The following NTRK2 variants were observed in gnomAD, a reference collection of about 807,000 sequenced individuals.
NTRK2 encodes the protein BDNF/NT-3 growth factors receptor.
NTRK2 carries 13 observed loss-of-function variants against 94.5 expected under a neutral mutation model. That is an observed-to-expected ratio of 0.14 (90% CI 0.09 to 0.22). The LOEUF (loss-of-function observed/expected upper bound fraction) is 0.22. Among genes scored for constraint, NTRK2 ranks in the 10% least tolerant of loss-of-function variants. The pLI, the probability that NTRK2 is intolerant of heterozygous loss-of-function variation, is 1.00. For missense variants in NTRK2, 639 were observed against 1,071.2 expected, an observed-to-expected ratio of 0.60 and a Z score of 5.63; for synonymous variants, 372 against 407.4, an observed-to-expected ratio of 0.91 and a Z score of 1.05.
chr9:84,867,190 A>T (rs2132054658), intron 13 of NTRK2, 53 bp from the exon 14 acceptor site: 2 of 1,555,488 alleles, frequency 1.3e-6, no homozygotes, highest in African/African-American at 2.7e-5. Flanking sequence ...TGTGAATTAC[A>T]GCTCAATAAA....
intron 11 of NTRK2, among the ~76,000 whole-genome samples, chr9:84,749,630 TATATTGTAGTAG>T (rs2064408539): frequency 6.6e-6 from 1 of 152,204 alleles, no homozygotes; most frequent in Non-Finnish European, 1.5e-5. Flanking sequence ...TAATTTATTA[TATATTGTAGTAG>T]ATACTGTTCC....
At chr9:84,742,279 C>T (rs1327377887) in intron 10 of NTRK2, among the ~76,000 whole-genome samples, 1 of 152,118 alleles carries the variant, frequency 6.6e-6, no homozygotes, top group Non-Finnish European at 1.5e-5. Flanking sequence ...GACAGTAAAG[C>T]CAATTCAAAA....
intron 12 of NTRK2, among the ~76,000 whole-genome samples, chr9:84,773,820 A>G (rs78268881): frequency 6.6e-6 from 1 of 151,972 alleles, no homozygotes; most frequent in African/African-American, 2.4e-5. Flanking sequence ...TCTTTTTTCA[A>G]TTGAGTCCCT....
chr9:84,784,491 G>T (rs754943855), intron 12 of NTRK2, among the ~76,000 whole-genome samples: 1 of 152,172 alleles, frequency 6.6e-6, no homozygotes, highest in Non-Finnish European at 1.5e-5. Context: ...ATTAGATTAT[G>T]CATGTTACAG....
intron 17 of NTRK2, among the ~76,000 whole-genome samples, chr9:84,969,663 A>G (rs1187677979): frequency 1.3e-5 from 2 of 152,248 alleles, no homozygotes; most frequent in African/African-American, 2.4e-5. Flanking sequence ...GAGATAATCT[A>G]TAACAATAAT....
At chr9:84,743,404 C>T (rs941308079) in intron 10 of NTRK2, among the ~76,000 whole-genome samples, 11 of 151,396 alleles carry the variant, frequency 7.3e-5, no homozygotes, top group African/African-American at 2.2e-4. Context: ...TTATTATATG[C>T]GTGTGTATTT....
At chr9:84,734,028 A>T (rs79404949) in intron 9 of NTRK2, among the ~76,000 whole-genome samples, 2,704 of 152,242 alleles carry the variant, frequency 0.018, 62 homozygotes, top group African/African-American at 0.048. Flanking sequence ...TTGAACTCAG[A>T]TCTGATTCAG....
At chr9:84,964,672 C>G (rs1021653832) in intron 17 of NTRK2, among the ~76,000 whole-genome samples, 2 of 152,142 alleles carry the variant, frequency 1.3e-5, no homozygotes, top group African/African-American at 2.4e-5. Context: ...CTTGGGCTCC[C>G]CACTCTGTCT....
At chr9:84,810,972 C>G (rs1045060173) in intron 12 of NTRK2, 1 of 1,117,990 alleles carries the variant, frequency 8.9e-7, no homozygotes, top group East Asian at 4.2e-5. Flanking sequence ...TTAAAATTGA[C>G]CTGCAAAGTT....
At position 84,810,743 on chromosome 9, in the gene NTRK2, G is replaced by T. The variant is rs1030811773; in HGVS notation, c.1397-50297G>T. 3.3e-6 allele frequency: 5 copies of T among 1,511,904 alleles called. No homozygotes were observed. The African/African-American group carries it at 7.0e-5, about 21-fold the overall frequency. The allele number at this position is 1,511,904 out of a possible 1,614,324, so 93.7% of individuals were successfully genotyped here. On this transcript the variant is annotated intron_variant, in intron 12 of 18. Transcript: ENST00000277120. ...GTGTTTGGAGGCTGTACTATATGAA[G>T]CCTGCATATACTGTGAGCTGTGATT... is the stretch of plus-strand genomic sequence containing the variant.
chr9:84,996,755 GATGAA>G (rs962689975), intron 17 of NTRK2, among the ~76,000 whole-genome samples: 13 of 152,196 alleles, frequency 8.5e-5, no homozygotes, highest in African/African-American at 1.7e-4. Context: ...ATACAGAGGA[GATGAA>G]AAGAAAGAAT....
intron 12 of NTRK2, chr9:84,813,581 T>C: frequency 9.4e-7 from 1 of 1,065,678 alleles, no homozygotes; most frequent in Non-Finnish European, 1.1e-6. Context: ...ATCTGCAACA[T>C]GTCAATTACC....
chr9:85,021,544 CTGACAGTAT>C lies in NTRK2; in HGVS notation c.*109_*117del. The C allele has an allele frequency of 9.1e-7, 1 of 1,094,228 alleles. No homozygotes were observed. Among genetic ancestry groups the C allele is most frequent in the Non-Finnish European group, 1.4e-6 (1 of 711,566 alleles). 67.8% of individuals were successfully genotyped at this position (1,094,228 alleles called of 1,614,324 possible). A position where few individuals can be genotyped will look rare whatever the true frequency, so the allele number is the denominator to read the frequency against. ...GGCCACCAAGCTGCTCTCCTTCACT[CTGACAGTAT>C]TAACATCAAAGACTCCGAGAAGCTC... On this transcript the variant is annotated 3_prime_UTR_variant, in exon 19 of 19. Transcript: ENST00000277120.
At chr9:84,899,377 G>GGAAT (rs2076858499) in intron 14 of NTRK2, among the ~76,000 whole-genome samples, 1 of 152,218 alleles carries the variant, frequency 6.6e-6, no homozygotes, top group South Asian at 2.1e-4. Flanking sequence ...GGTGCCCAGA[G>GGAAT]GAATGGGTTT....
intron 2 of NTRK2, among the ~76,000 whole-genome samples, chr9:84,689,278 G>T (rs1197123770): frequency 1.3e-5 from 2 of 152,254 alleles, no homozygotes; most frequent in Non-Finnish European, 2.9e-5. Context: ...GGCAACCTTT[G>T]CATGCCCTTT....
intron 14 of NTRK2, among the ~76,000 whole-genome samples, chr9:84,890,508 T>C (rs2076565042): frequency 6.6e-6 from 1 of 152,236 alleles, no homozygotes; most frequent in Non-Finnish European, 1.5e-5. Flanking sequence ...AAAATGTACA[T>C]TGGACTTTCT....
intron 12 of NTRK2, among the ~76,000 whole-genome samples, chr9:84,839,483 A>C (rs1247730399): frequency 6.6e-6 from 1 of 152,194 alleles, no homozygotes; most frequent in Non-Finnish European, 1.5e-5. Flanking sequence ...TTTCACTGTG[A>C]CGGGTCTTAG....
rs912907262 is a variant in NTRK2, at chr9:84,813,316, G to A, written c.1397-47724G>A. 2.5e-5 allele frequency: 25 copies of A among 1,015,878 alleles called. 1 individual carries two copies. In the Admixed American group the frequency reaches 7.6e-4, roughly 31 times the overall value. 62.9% of individuals were successfully genotyped at this position (1,015,878 alleles called of 1,614,324 possible). On this transcript the variant is annotated intron_variant, in intron 12 of 18. Transcript: ENST00000277120. Reference sequence around the variant, plus strand: ...GGTTTCCAAATCTTGTGATTCTTTAGGAGAAACATGAAACCTGGATTTCGT... The same window carrying A: ...GGTTTCCAAATCTTGTGATTCTTTAAGAGAAACATGAAACCTGGATTTCGT...
At chr9:84,955,052 C>T (rs1362728836) in intron 16 of NTRK2, among the ~76,000 whole-genome samples, 1 of 152,178 alleles carries the variant, frequency 6.6e-6, no homozygotes, top group Non-Finnish European at 1.5e-5. Context: ...CCTGGGAATT[C>T]CAGACTCTTT....
Sources: gnomAD v4.1 joint callset for allele counts (sites outside exome capture counted in the v4.1 genomes callset) on GRCh38, gnomAD v4.1.1 for gene constraint, MANE v1.5 for transcripts, NCBI Gene and HGNC (gene_info 2026-07-23, HGNC 2026-07-21) for gene names.